The following LDHC variants were observed in gnomAD, a reference collection of about 807,000 sequenced individuals.
LDHC encodes L-lactate dehydrogenase C chain.
A neutral mutation model predicts 30.2 loss-of-function variants in LDHC; 20 were observed. The observed-to-expected ratio is 0.66, with a 90% CI of 0.47 to 0.96. LDHC has a LOEUF of 0.96. LDHC is among the 40% of genes least tolerant of loss of function. The probability of loss-of-function intolerance (pLI) is 0.00; values close to 1 mark genes in which losing one functional copy is unlikely to be tolerated. For synonymous variants in LDHC, 139 were observed against 132.7 expected, an observed-to-expected ratio of 1.05 and a Z score of -0.32; for missense variants, 362 against 394.9, an observed-to-expected ratio of 0.92 and a Z score of 0.71.
chr11:18,420,982 G>T lies in LDHC; in HGVS notation c.244+5681G>T, dbSNP rs115918778. Among the ~76,000 whole-genome samples the T allele has an allele frequency of 3.7e-3, 556 of 152,294 alleles. 8 individuals carry two copies. Among genetic ancestry groups the T allele is most frequent in the African/African-American group, 0.013 (538 of 41,572 alleles). ...TCCTGTGTCATTAGGGAAGCAGGAA[G>T]TGTGGTGATTAACTTTGAACTTTGA... On this transcript the variant is annotated intron_variant, in intron 3 of 7. Coordinates refer to ENST00000541669, the MANE Select transcript of LDHC (RefSeq NM_017448.5).
intron 3 of LDHC, among the ~76,000 whole-genome samples, chr11:18,418,554 C>T (rs1200082848): frequency 1.3e-5 from 2 of 151,848 alleles, no homozygotes; most frequent in Non-Finnish European, 2.9e-5. Context: ...CTCAGCCTCC[C>T]AAGCAGCTGG....
At chr11:18,435,669 T>G (rs1440301243) in intron 5 of LDHC, among the ~76,000 whole-genome samples, 1 of 152,200 alleles carries the variant, frequency 6.6e-6, no homozygotes, top group Non-Finnish European at 1.5e-5. Context: ...ATTACAGAAT[T>G]CATGAGTTTC....
intron 5 of LDHC, among the ~76,000 whole-genome samples, chr11:18,435,934 T>G (rs1221649530): frequency 1.3e-5 from 2 of 152,250 alleles, no homozygotes; most frequent in African/African-American, 4.8e-5. Flanking sequence ...TGGTTAGAAC[T>G]TTATACTTTT....
chr11:18,441,112 G>A (rs1457256630), intron 6 of LDHC, among the ~76,000 whole-genome samples: 1 of 151,456 alleles, frequency 6.6e-6, no homozygotes, highest in Non-Finnish European at 1.5e-5. Flanking sequence ...GCAACAGAGT[G>A]AGACCTCATC....
intron 3 of LDHC, among the ~76,000 whole-genome samples, chr11:18,427,752 A>C (rs1369271826): frequency 6.7e-6 from 1 of 149,290 alleles, no homozygotes; most frequent in Non-Finnish European, 1.5e-5. Context: ...GTCTCGGCTC[A>C]CTGCAACCTC....
rs759268494 is a variant in LDHC, at chr11:18,446,239, A to G, written c.740A>G (p.Tyr247Cys). 3 of 1,602,950 alleles carry G rather than the reference A, an allele frequency of 1.9e-6. No homozygotes were observed. Among genetic ancestry groups the G allele is most frequent in the Middle Eastern group, 1.7e-4 (1 of 6,046 alleles). ...TATGAAATTATCAAGCTGAAGGGGT[A>G]TACCTCTTGGGCTATTGGACTGTCT... ...SAYEIIKLKG[Y>C]TSWAIGLSVM... The change falls in exon 7 of 8, where the codon TAT becomes TGT. Residue 247 changes from tyrosine to cysteine, a missense_variant. Tyr to Cys is a radical substitution (Grantham distance 194). Coordinates refer to ENST00000541669, the MANE Select transcript of LDHC (RefSeq NM_017448.5).
At chr11:18,432,021 G>C (rs1848275221) in intron 4 of LDHC, among the ~76,000 whole-genome samples, 1 of 151,994 alleles carries the variant, frequency 6.6e-6, no homozygotes, top group Non-Finnish European at 1.5e-5. Context: ...GGTTTGGTTT[G>C]TTCTTGTTTC....
chr11:18,438,606 A>T lies in LDHC; in HGVS notation c.671A>T (p.Lys224Met). The change falls in exon 6 of 8, where the codon AAG becomes ATG. Residue 224 changes from lysine to methionine, a missense_variant. Physicochemically the swap from Lys to Met is moderately conservative, Grantham distance 95 (BLOSUM62 -1). Transcript: ENST00000541669. ...LDPKLGTDSD[K>M]EHWKNIHKQV... The stretch of plus-strand genomic sequence containing the variant: ...CCTAAATTAGGAACGGATTCAGATA[A>T]GGAACACTGGAAAAATATCCATAAA... 1 of 1,611,496 alleles carries T rather than the reference A, an allele frequency of 6.2e-7. No homozygotes were observed. The highest frequency in any genetic ancestry group is 8.5e-7 in the Non-Finnish European group (1 of 1,177,662).
intron 3 of LDHC, among the ~76,000 whole-genome samples, chr11:18,426,436 A>G (rs1237111793): frequency 4.0e-5 from 6 of 151,268 alleles, no homozygotes. Context: ...CTGAAGCAGG[A>G]GAATCACTTG....
Position 18,412,745 on chromosome 11 carries a change from G to A in LDHC, c.28G>A (p.Glu10Lys), listed in dbSNP as rs759039260. 6.2e-7 allele frequency: 1 copy of A among 1,613,910 alleles called. No homozygotes were observed. The highest frequency in any genetic ancestry group is 1.1e-5 in the South Asian group (1 of 91,022). The stretch of plus-strand genomic sequence containing the variant: ...GTCAACTGTCAAGGAGCAGCTAATT[G>A]AGAAGCTAATTGAGGATGATGAAAA... MSTVKEQLI[E>K]KLIEDDENSQ... Residue 10 changes from glutamate (E) to lysine (K), a missense_variant, in exon 2 of 8, where the codon GAG (glutamate) becomes AAG (lysine). Transcript: ENST00000541669.
chr11:18,418,977 T>C (rs1333272654), intron 3 of LDHC, among the ~76,000 whole-genome samples: 1 of 152,218 alleles, frequency 6.6e-6, no homozygotes, highest in Non-Finnish European at 1.5e-5. Context: ...TTTACCCTGA[T>C]AGCATTTGCC....
chr11:18,440,666 C>T (rs1462565693), intron 6 of LDHC, among the ~76,000 whole-genome samples: 2 of 152,086 alleles, frequency 1.3e-5, no homozygotes, highest in Non-Finnish European at 2.9e-5. Context: ...CAGTGGCTCA[C>T]ATCTGTAATC....
chr11:18,415,397 A>C, intron 3 of LDHC, 96 bp downstream of exon 3: 1 of 671,274 alleles, frequency 1.5e-6, no homozygotes, highest in Non-Finnish European at 2.6e-6. Context: ...TAAAAATAGC[A>C]CCATGCCATT....
chr11:18,416,454 G>T (rs192878827), intron 3 of LDHC, among the ~76,000 whole-genome samples: 22 of 152,298 alleles, frequency 1.4e-4, no homozygotes, highest in African/African-American at 5.3e-4. Flanking sequence ...TGATTCAACA[G>T]ATATACTTTC....
intron 1 of LDHC, 129 bp downstream of exon 1, chr11:18,412,537 C>A: frequency 1.8e-6 from 1 of 560,636 alleles, no homozygotes. Flanking sequence ...GTGCCCCAGC[C>A]CTCCCATTGC....
intron 3 of LDHC, among the ~76,000 whole-genome samples, chr11:18,427,844 T>G (rs900976477): frequency 6.6e-6 from 1 of 152,012 alleles, no homozygotes; most frequent in Non-Finnish European, 1.5e-5. Context: ...GCCCAGCTAA[T>G]TTTTGTATTT....
At chr11:18,438,175 G>A (rs12270402) in intron 5 of LDHC, among the ~76,000 whole-genome samples, 18,277 of 152,224 alleles carry the variant, frequency 0.12, 1,577 homozygotes, top group African/African-American at 0.24. Context: ...AGGACCTCAG[G>A]AAGCTTGCAA....
chr11:18,446,905 C>T (rs1023689489), intron 7 of LDHC, among the ~76,000 whole-genome samples: 12 of 151,064 alleles, frequency 7.9e-5, no homozygotes, highest in African/African-American at 1.5e-4. Flanking sequence ...AAAATCAGGG[C>T]AAGAAGTTTG....
chr11:18,425,504 C>T (rs1848146715), intron 3 of LDHC, among the ~76,000 whole-genome samples: 1 of 152,062 alleles, frequency 6.6e-6, no homozygotes. Flanking sequence ...CCTCAGCCTC[C>T]CCAGTAGCTG....
Sources: gnomAD v4.1 joint callset for allele counts (sites outside exome capture counted in the v4.1 genomes callset) on GRCh38, gnomAD v4.1.1 for gene constraint, MANE v1.5 for transcripts, NCBI Gene and HGNC (gene_info 2026-07-23, HGNC 2026-07-21) for gene names.